The following STYK1 variants were observed in gnomAD, a reference collection of about 807,000 sequenced individuals.
STYK1 encodes the protein tyrosine-protein kinase STYK1.
In STYK1, 46 loss-of-function variants were observed where a neutral mutation model predicts 48.1. That is an observed-to-expected ratio of 0.96 (90% CI 0.75 to 1.22). The LOEUF is 1.22. Among genes scored for constraint, STYK1 ranks in the 50% most tolerant of loss-of-function variants. The pLI, the probability that STYK1 is intolerant of heterozygous loss-of-function variation, is 0.00. For missense variants in STYK1, 527 were observed against 521.1 expected (o/e 1.01, Z -0.11); for synonymous variants, 188 against 189.0 (o/e 0.99, Z 0.04).
chr12:10,641,219 C>T (rs1015282915), intron 1 of STYK1, among the ~76,000 whole-genome samples: 2 of 152,194 alleles, frequency 1.3e-5, no homozygotes, highest in African/African-American at 4.8e-5. Context: ...ACAGGATTAT[C>T]TCTAATCCAT....
intron 4 of STYK1, among the ~76,000 whole-genome samples, chr12:10,633,028 T>C (rs998026270): frequency 8.5e-5 from 13 of 152,298 alleles, no homozygotes; most frequent in African/African-American, 3.1e-4. Flanking sequence ...AATATGAGAA[T>C]TGAGTTCAAG....
chr12:10,655,640 G>A (rs998777684), intron 1 of STYK1, among the ~76,000 whole-genome samples: 1 of 152,134 alleles, frequency 6.6e-6, no homozygotes, highest in Non-Finnish European at 1.5e-5. Flanking sequence ...GAGGCACCTT[G>A]TAGACTCTAA....
intron 5 of STYK1, 52 bp from the exon 6 acceptor site, chr12:10,629,726 G>A (rs1185973189): frequency 6.2e-7 from 1 of 1,606,224 alleles, no homozygotes; most frequent in Non-Finnish European, 8.5e-7. Flanking sequence ...TCCTCGATGA[G>A]TGGGAGGCAG....
rs756396756 is a variant in STYK1, at chr12:10,624,744, G to A, written c.833C>T (p.Thr278Ile). 1 of 1,614,148 alleles carries A rather than the reference G, an allele frequency of 6.2e-7. No homozygotes were observed. The highest frequency in any genetic ancestry group is 8.5e-7 in the Non-Finnish European group (1 of 1,180,026). Residue 278 changes from threonine (T) to isoleucine (I), a missense_variant, in exon 8 of 11, where the codon ACC (threonine) becomes ATC (isoleucine). Coordinates refer to ENST00000075503, the MANE Select transcript of STYK1 (RefSeq NM_018423.3). ...CGLGLAYEVY[T>I]RGAISSTQTI... is the part of the protein sequence containing the mutation. ...TTGAGTAGAGGAGATGGCCCCTCGGGTGTAAACTTCATAAGCCAGGCCTAA... is the reference window on the plus strand; with the variant it reads ...TTGAGTAGAGGAGATGGCCCCTCGGATGTAAACTTCATAAGCCAGGCCTAA...
At chr12:10,633,406 G>T (rs1426861404) in intron 4 of STYK1, among the ~76,000 whole-genome samples, 1 of 152,114 alleles carries the variant, frequency 6.6e-6, no homozygotes, top group African/African-American at 2.4e-5. Context: ...AAAAACTAAG[G>T]ATTAGCCACT....
intron 4 of STYK1, 77 bp downstream of exon 4, chr12:10,633,913 A>T (rs1443699324): frequency 1.9e-6 from 3 of 1,550,786 alleles, no homozygotes; most frequent in Non-Finnish European, 2.6e-6. Flanking sequence ...ACATGGGCTC[A>T]TTGAAACTTA....
At chr12:10,655,924 A>G (rs946485874) in intron 1 of STYK1, among the ~76,000 whole-genome samples, 4 of 152,188 alleles carry the variant, frequency 2.6e-5, no homozygotes, top group African/African-American at 9.7e-5. Flanking sequence ...CTCTTCTTGG[A>G]TCTTATTTCT....
intron 1 of STYK1, among the ~76,000 whole-genome samples, chr12:10,655,260 T>C (rs1240087431): frequency 6.6e-6 from 1 of 152,194 alleles, no homozygotes; most frequent in Non-Finnish European, 1.5e-5. Context: ...TTGTTTTATA[T>C]CCTTGGGAGC....
chr12:10,640,557 T>A (rs543683115), intron 1 of STYK1: 1 of 152,150 alleles, frequency 6.6e-6, no homozygotes, highest in South Asian at 2.1e-4. Flanking sequence ...GGGATCGAAA[T>A]GAACACTAGA....
intron 1 of STYK1, among the ~76,000 whole-genome samples, chr12:10,651,490 T>G (rs1947662269): frequency 6.6e-6 from 1 of 152,248 alleles, no homozygotes; most frequent in African/African-American, 2.4e-5. Context: ...AAAGAGCCAT[T>G]GTAATAATTA....
intron 1 of STYK1, among the ~76,000 whole-genome samples, chr12:10,648,495 A>T (rs1336528852): frequency 6.6e-6 from 1 of 152,146 alleles, no homozygotes; most frequent in Non-Finnish European, 1.5e-5. Context: ...AAAATGTTTA[A>T]CAAATATGGA....
intron 1 of STYK1, among the ~76,000 whole-genome samples, chr12:10,657,719 A>G (rs11837154): frequency 0.027 from 4,143 of 152,348 alleles, 192 homozygotes; most frequent in African/African-American, 0.094. Context: ...AATGCTGGAA[A>G]GAATCAGACC....
At chr12:10,641,467 T>G (rs1177996721) in intron 1 of STYK1, among the ~76,000 whole-genome samples, 1 of 152,232 alleles carries the variant, frequency 6.6e-6, no homozygotes, top group Admixed American at 6.5e-5. Context: ...TCTTCCAGCC[T>G]GTCTAACACA....
At chr12:10,643,567 A>AT (rs1439975179) in intron 1 of STYK1, among the ~76,000 whole-genome samples, 1 of 152,256 alleles carries the variant, frequency 6.6e-6, no homozygotes, top group Non-Finnish European at 1.5e-5. Context: ...ATGTTAAATA[A>AT]TTAATCATAA....
intron 9 of STYK1, 105 bp downstream of exon 9, chr12:10,622,533 G>T: frequency 7.7e-7 from 1 of 1,300,440 alleles, no homozygotes. Flanking sequence ...TCAAGCTTCA[G>T]CACTGTACTG....
chr12:10,653,239 A>G (rs949803256), intron 1 of STYK1, among the ~76,000 whole-genome samples: 4 of 150,548 alleles, frequency 2.7e-5, no homozygotes, highest in Non-Finnish European at 5.9e-5. Flanking sequence ...TGCCCAGCTA[A>G]TTTTTTTTTG....
intron 9 of STYK1, among the ~76,000 whole-genome samples, chr12:10,622,272 G>T (rs1420964949): frequency 6.6e-6 from 1 of 152,216 alleles, no homozygotes; most frequent in Non-Finnish European, 1.5e-5. Context: ...ATGGGAAAGT[G>T]TGCAGTTTCT....
chr12:10,622,628 T>G lies in STYK1; in HGVS notation c.967+10A>C, dbSNP rs761171833. ...ATACAGGTACACACTATTTTGGGGC[T>G]CATCCTTACCTAGAGTCACCATCTC... On this transcript the variant is annotated intron_variant, in intron 9 of 10. Transcript: ENST00000075503. 6.2e-6 allele frequency: 10 copies of G among 1,613,824 alleles called. No homozygotes were observed. In the South Asian group the frequency reaches 9.9e-5, roughly 16 times the overall value.
intron 1 of STYK1, among the ~76,000 whole-genome samples, chr12:10,668,544 T>C (rs1947859333): frequency 1.9e-5 from 2 of 107,506 alleles, no homozygotes; most frequent in African/African-American, 3.7e-5. Flanking sequence ...CCTGGCTTTT[T>C]TTTTTTTTTT....
Sources: gnomAD v4.1 joint callset for allele counts (sites outside exome capture counted in the v4.1 genomes callset) on GRCh38, gnomAD v4.1.1 for gene constraint, MANE v1.5 for transcripts, NCBI Gene and HGNC (gene_info 2026-07-23, HGNC 2026-07-21) for gene names.